DTWD2: variants seen among roughly 807,000 people sequenced by gnomAD.
The protein encoded by DTWD2 is DTW motif tRNA-uridine aminocarboxypropyltransferase 2, also known as tRNA-uridine aminocarboxypropyltransferase 2.
DTWD2 carries 39 observed loss-of-function variants against 31.8 expected under a neutral mutation model. The observed-to-expected ratio is 1.22, with a 90% confidence interval of 0.95 to 1.60. The LOEUF is 1.60. Ranked by LOEUF, DTWD2 falls within the 40% of genes most tolerant of loss-of-function variation. DTWD2 has a pLI of 0.00. For missense variants in DTWD2, 515 were observed against 381.5 expected, an observed-to-expected ratio of 1.35 and a Z score of -2.92; for synonymous variants, 180 against 142.8, an observed-to-expected ratio of 1.26 and a Z score of -1.86.
chr5:118,951,204 G>T (rs114654259), intron 1 of DTWD2, among the ~76,000 whole-genome samples: 1 of 152,260 alleles, frequency 6.6e-6, no homozygotes, highest in African/African-American at 2.4e-5. Flanking sequence ...ACTGTAAGCC[G>T]GACTGGGTGT....
Position 118,928,628 on chromosome 5 carries a change from A to G in DTWD2, c.506T>C (p.Val169Ala), listed in dbSNP as rs1753857716. Residue 169 changes from valine to alanine, a missense_variant, in exon 4 of 6, where the codon GTT becomes GCT. Transcript: ENST00000510708. Reference sequence around the variant, plus strand: ...AATGATGATGATTGTAGAAGGATAAACAGGAGAATCTAATATAAATTCTTC... The same window carrying G: ...AATGATGATGATTGTAGAAGGATAAGCAGGAGAATCTAATATAAATTCTTC... ...NLEEFILDSP[V>A]YPSTIIIIDG... 1.9e-6 allele frequency: 3 copies of G among 1,603,632 alleles called. No individual in the cohort carries two copies. The highest frequency in any genetic ancestry group is 2.6e-6 in the Non-Finnish European group (3 of 1,174,514).
rs183928653 is a variant in DTWD2 at position 118,987,615 on chromosome 5, G to A, written c.218+679C>T. On this transcript the variant is annotated intron_variant, in intron 1 of 5. Coordinates refer to ENST00000510708, the MANE Select transcript of DTWD2 (RefSeq NM_173666.4). ...TTACATATTTGATTGCTTGTTTGCT[G>A]GTTTATTATCCGTATCCAGTAAGAG... 1.7e-4 allele frequency among the ~76,000 whole-genome samples: 26 copies of A among 152,158 alleles called. No individual in the cohort carries two copies. In the East Asian group the frequency reaches 4.8e-3, roughly 28 times the overall value.
intron 4 of DTWD2, among the ~76,000 whole-genome samples, chr5:118,877,074 C>A (rs1455158561): frequency 1.3e-5 from 2 of 152,224 alleles, no homozygotes; most frequent in Non-Finnish European, 2.9e-5. Context: ...TAGTTCAACA[C>A]ATGCAAATCA....
At chr5:118,875,986 A>T (rs140315465) in intron 4 of DTWD2, among the ~76,000 whole-genome samples, 3 of 152,334 alleles carry the variant, frequency 2.0e-5, no homozygotes, top group African/African-American at 7.2e-5. Flanking sequence ...CAAAAGAACT[A>T]AAATTACAAC....
chr5:118,857,739 C>T (rs1189400845), intron 4 of DTWD2, among the ~76,000 whole-genome samples: 1 of 152,168 alleles, frequency 6.6e-6, no homozygotes. Flanking sequence ...AGCAGATACA[C>T]AGTGCTGGGC....
chr5:118,899,093 C>T (rs1753147115), intron 4 of DTWD2, among the ~76,000 whole-genome samples: 1 of 152,162 alleles, frequency 6.6e-6, no homozygotes, highest in Non-Finnish European at 1.5e-5. Context: ...AAATATGTGT[C>T]TTTTTCACAG....
chr5:118,919,284 C>A (rs1158814527), intron 4 of DTWD2, among the ~76,000 whole-genome samples: 1 of 152,224 alleles, frequency 6.6e-6, no homozygotes, highest in Non-Finnish European at 1.5e-5. Context: ...GAACTGCCAG[C>A]ACATGTGCTC....
At chr5:118,924,224 C>G (rs1210813253) in intron 4 of DTWD2, among the ~76,000 whole-genome samples, 1 of 152,162 alleles carries the variant, frequency 6.6e-6, no homozygotes, top group African/African-American at 2.4e-5. Flanking sequence ...GAAGTATCTC[C>G]TAGCAGGAGG....
chr5:118,934,606 G>A (rs950915606), intron 3 of DTWD2, among the ~76,000 whole-genome samples: 13 of 151,994 alleles, frequency 8.6e-5, no homozygotes, highest in African/African-American at 2.7e-4. Flanking sequence ...AGAATGGAAC[G>A]CTAAGAAAAA....
At chr5:118,873,306 T>A (rs944219287) in intron 4 of DTWD2, among the ~76,000 whole-genome samples, 1 of 152,204 alleles carries the variant, frequency 6.6e-6, no homozygotes, top group African/African-American at 2.4e-5. Flanking sequence ...GTCTTGCACG[T>A]TAGATGGGGC....
chr5:118,853,332 T>C (rs777159742), intron 4 of DTWD2, among the ~76,000 whole-genome samples: 7 of 152,104 alleles, frequency 4.6e-5, no homozygotes, highest in Non-Finnish European at 1.0e-4. Context: ...CTATAGAAAT[T>C]AGTTTAGAGA....
chr5:118,885,558 G>C (rs1339357281), intron 4 of DTWD2, among the ~76,000 whole-genome samples: 2 of 151,620 alleles, frequency 1.3e-5, no homozygotes, highest in Non-Finnish European at 2.9e-5. Context: ...CTGAAGTCAG[G>C]AGTTTGAGAC....
At chr5:118,981,480 T>C (rs1439812055) in intron 1 of DTWD2, among the ~76,000 whole-genome samples, 2 of 152,064 alleles carry the variant, frequency 1.3e-5, no homozygotes, top group African/African-American at 2.4e-5. Context: ...GCTCAATACA[T>C]ACCTTTTCAA....
intron 3 of DTWD2, among the ~76,000 whole-genome samples, chr5:118,932,118 G>C (rs1017291742): frequency 2.0e-5 from 3 of 151,914 alleles, no homozygotes; most frequent in African/African-American, 4.8e-5. Context: ...TGCACATTAA[G>C]AAAAAGGAAA....
intron 4 of DTWD2, among the ~76,000 whole-genome samples, chr5:118,902,260 T>C (rs1443646346): frequency 6.6e-6 from 1 of 152,140 alleles, no homozygotes; most frequent in African/African-American, 2.4e-5. Context: ...ATAAGTCCTT[T>C]CTGTTAAATA....
rs1751616006 is a variant in DTWD2, at chr5:118,838,154, C to A, written c.*2763G>T. 6.6e-6 allele frequency: 1 copy of A among 152,188 alleles called. No individual in the cohort carries two copies. The highest frequency in any genetic ancestry group is 2.4e-5 in the African/African-American group (1 of 41,438). The allele number at this position is 152,188 out of a possible 1,614,324, so 9.4% of individuals were successfully genotyped here. A position where few individuals can be genotyped will look rare whatever the true frequency, so the allele number is the denominator to read the frequency against. ...CTACTTTGTATAATCTAGTTCTCAA[C>A]CTTTTACACTCATGTGTGCAAGAAA... On this transcript the variant is annotated 3_prime_UTR_variant, in exon 6 of 6. Coordinates refer to ENST00000510708, the MANE Select transcript of DTWD2 (RefSeq NM_173666.4).
In DTWD2 at chr5:118,837,530, C is replaced by T. The variant is rs1170303084; in HGVS notation, c.*3387G>A. Reference sequence around the variant, plus strand: ...TTTAGCTCCCTGAAATTCAGCATCCCTGAAATTCAATGGAAAGGATTTTCT... The same window carrying T: ...TTTAGCTCCCTGAAATTCAGCATCCTTGAAATTCAATGGAAAGGATTTTCT... On this transcript the variant is annotated 3_prime_UTR_variant, in exon 6 of 6. Transcript: ENST00000510708. 3 of 152,170 alleles carry T rather than the reference C, an allele frequency of 2.0e-5. No individual in the cohort carries two copies. The highest frequency in any genetic ancestry group is 4.4e-5 in the Non-Finnish European group (3 of 68,034). The allele number at this position is 152,170 out of a possible 1,614,324, so 9.4% of individuals were successfully genotyped here. A position where few individuals can be genotyped will look rare whatever the true frequency, so the allele number is the denominator to read the frequency against.
rs1324035649 is a variant in DTWD2 at position 118,922,272 on chromosome 5, T to A, written c.597+6265A>T. On this transcript the variant is annotated intron_variant, in intron 4 of 5. Coordinates refer to ENST00000510708, the MANE Select transcript of DTWD2 (RefSeq NM_173666.4). ...CAATTATGTAAGTATGAAGTTCACA[T>A]ACGGCTAGTTACTGATTAGGAGGGC... is the stretch of plus-strand genomic sequence containing the variant. Among the ~76,000 whole-genome samples the A allele has an allele frequency of 3.9e-5, 6 of 152,250 alleles. No individual in the cohort carries two copies. In the East Asian group the frequency reaches 9.6e-4, roughly 24 times the overall value.
chr5:118,920,556 C>A (rs1753679516), intron 4 of DTWD2, among the ~76,000 whole-genome samples: 1 of 151,996 alleles, frequency 6.6e-6, no homozygotes, highest in Admixed American at 6.6e-5. Flanking sequence ...TCTTCCTAAT[C>A]CTTTTTTTAT....
Sources: gnomAD v4.1 joint callset for allele counts (sites outside exome capture counted in the v4.1 genomes callset) on GRCh38, gnomAD v4.1.1 for gene constraint, MANE v1.5 for transcripts, NCBI Gene and HGNC (gene_info 2026-07-23, HGNC 2026-07-21) for gene names.